The following MGAT4C variants were observed in gnomAD, a reference collection of about 807,000 sequenced individuals.
MGAT4C encodes MGAT4 family member C.
Under a neutral mutation model 40.1 loss-of-function variants are expected in MGAT4C, and 19 were observed. The observed-to-expected ratio is 0.47, with a 90% CI of 0.33 to 0.70. MGAT4C has a LOEUF of 0.70. MGAT4C is among the 30% of genes least tolerant of loss of function. MGAT4C has a pLI of 0.02. For synonymous variants in MGAT4C, 181 were observed against 187.1 expected (o/e 0.97, Z 0.27); for missense variants, 491 against 563.2 (o/e 0.87, Z 1.30).
chr12:86,698,431 C>T (rs553398310), intron 2 of MGAT4C, among the ~76,000 whole-genome samples: 1 of 152,028 alleles, frequency 6.6e-6, no homozygotes, highest in African/African-American at 2.4e-5. Flanking sequence ...AATACAAAAA[C>T]ATTTGTTACC....
At chr12:86,751,118 T>C (rs1951225861) in intron 1 of MGAT4C, among the ~76,000 whole-genome samples, 1 of 151,972 alleles carries the variant, frequency 6.6e-6, no homozygotes. Flanking sequence ...ATGGAGGGAA[T>C]GGGTTCATCA....
chr12:86,836,411 T>C (rs961976538), intron 1 of MGAT4C, among the ~76,000 whole-genome samples: 27 of 152,048 alleles, frequency 1.8e-4, no homozygotes, highest in African/African-American at 5.1e-4. Flanking sequence ...ATTACATTTT[T>C]TTTTGTCCTA....
At chr12:86,050,748 T>C (rs1270733375) in intron 1 of MGAT4C, among the ~76,000 whole-genome samples, 1 of 152,062 alleles carries the variant, frequency 6.6e-6, no homozygotes, top group Non-Finnish European at 1.5e-5. Flanking sequence ...TTCCTCTTTG[T>C]CTTCTTCCGT....
intron 1 of MGAT4C, among the ~76,000 whole-genome samples, chr12:86,198,719 ATG>A (rs1458293735): frequency 1.3e-5 from 2 of 152,194 alleles, no homozygotes; most frequent in East Asian, 3.9e-4. Context: ...ATTTGAGAGC[ATG>A]TCTCTGTTAA....
intron 2 of MGAT4C, among the ~76,000 whole-genome samples, chr12:86,606,583 T>C (rs1962054197): frequency 1.3e-5 from 2 of 152,154 alleles, no homozygotes; most frequent in Admixed American, 6.6e-5. Flanking sequence ...GCTCTCCTGA[T>C]TGGGAATTTC....
chr12:86,528,414 C>T, intron 2 of MGAT4C, among the ~76,000 whole-genome samples: 1 of 151,912 alleles, frequency 6.6e-6, no homozygotes, highest in East Asian at 1.9e-4. Context: ...ATTTGCTTTT[C>T]TAGAAAACAA....
chr12:86,765,033 T>C (rs928520790), intron 1 of MGAT4C, among the ~76,000 whole-genome samples: 4 of 152,164 alleles, frequency 2.6e-5, no homozygotes, highest in African/African-American at 9.7e-5. Flanking sequence ...TTTGACAAGT[T>C]GAGAGAAGAA....
At position 85,959,641 on chromosome 12, in the gene MGAT4C, G is replaced by T. The variant is rs989318330; in HGVS notation, c.*19648C>A. 2.0e-5 allele frequency: 3 copies of T among 150,532 alleles called. No individual in the cohort carries two copies. Among genetic ancestry groups the T allele is most frequent in the African/African-American group, 7.3e-5 (3 of 41,010 alleles). 9.3% of individuals were successfully genotyped at this position (150,532 alleles called of 1,614,324 possible). On this transcript the variant is annotated 3_prime_UTR_variant, in exon 5 of 5. Coordinates refer to ENST00000611864, the MANE Select transcript of MGAT4C (RefSeq NM_001351288.2). The stretch of plus-strand genomic sequence containing the variant: ...GCCACTTGAATAAATAAGTTGTGTT[G>T]TAGTTTCTCAGAGCAACCGCCGCTC...
At chr12:86,737,910 C>T (rs903201479) in intron 1 of MGAT4C, among the ~76,000 whole-genome samples, 2 of 151,514 alleles carry the variant, frequency 1.3e-5, no homozygotes, top group Admixed American at 1.3e-4. Context: ...TAAACTTCTA[C>T]CTATTTCTCT....
intron 1 of MGAT4C, among the ~76,000 whole-genome samples, chr12:86,779,570 A>C: frequency 6.6e-6 from 1 of 151,780 alleles, no homozygotes; most frequent in African/African-American, 2.4e-5. Context: ...ACACTGCACT[A>C]CAGCCTGGGC....
At chr12:86,030,979 G>T (rs1890708433) in intron 2 of MGAT4C, among the ~76,000 whole-genome samples, 1 of 151,708 alleles carries the variant, frequency 6.6e-6, no homozygotes. Flanking sequence ...ATTACATTTA[G>T]TCACCAACAA....
intron 2 of MGAT4C, among the ~76,000 whole-genome samples, chr12:86,438,518 C>G (rs1354872627): frequency 2.0e-5 from 3 of 151,880 alleles, no homozygotes; most frequent in African/African-American, 4.8e-5. Context: ...GATAATGAAA[C>G]AGCCTTCTAA....
At chr12:86,590,703 A>T (rs1482549557) in intron 2 of MGAT4C, among the ~76,000 whole-genome samples, 1 of 152,036 alleles carries the variant, frequency 6.6e-6, no homozygotes, top group Non-Finnish European at 1.5e-5. Context: ...ACAAAAAAAA[A>T]TTGAGAGATC....
At chr12:85,985,976 C>A (rs964201891) in intron 3 of MGAT4C, among the ~76,000 whole-genome samples, 1 of 152,100 alleles carries the variant, frequency 6.6e-6, no homozygotes, top group Non-Finnish European at 1.5e-5. Context: ...ATATTGAATA[C>A]CTCTTTAAAA....
At chr12:86,295,738 C>A (rs1303630588) in intron 4 of MGAT4C, among the ~76,000 whole-genome samples, 1 of 151,978 alleles carries the variant, frequency 6.6e-6, no homozygotes, top group Non-Finnish European at 1.5e-5. Flanking sequence ...AGGTTCTCCA[C>A]CTCCCCATCA....
intron 1 of MGAT4C, among the ~76,000 whole-genome samples, chr12:86,807,646 T>C (rs1952384421): frequency 7.9e-5 from 12 of 152,142 alleles, no homozygotes; most frequent in Admixed American, 7.2e-4. Flanking sequence ...TAACCACTAA[T>C]GGGATTGCTG....
intron 4 of MGAT4C, among the ~76,000 whole-genome samples, chr12:85,982,582 T>C (rs1453473294): frequency 1.3e-5 from 2 of 152,262 alleles, no homozygotes; most frequent in Non-Finnish European, 2.9e-5. Context: ...GCTTATACTT[T>C]CTTAGTGGTA....
chr12:86,139,226 T>C (rs1882482419), intron 1 of MGAT4C, among the ~76,000 whole-genome samples: 1 of 152,184 alleles, frequency 6.6e-6, no homozygotes, highest in African/African-American at 2.4e-5. Flanking sequence ...AAGACTAACA[T>C]GCCAAATGAC....
chr12:85,980,203 G>C lies in MGAT4C; in HGVS notation c.523C>G (p.Pro175Ala). The C allele has an allele frequency of 6.2e-7, 1 of 1,613,752 alleles. No individual in the cohort carries two copies. The highest frequency in any genetic ancestry group is 8.5e-7 in the Non-Finnish European group (1 of 1,179,836). ...TCTAGGATTGGGTAATACTCCTCTG[G>C]AGCATGTATAACCATTAATCTTCCT... ...IAGRLMVIHAPEEYYPILDGL... is the reference protein window; with the variant it reads ...IAGRLMVIHAAEEYYPILDGL... The change falls in exon 5 of 5, where the codon CCA (proline) becomes GCA (alanine). Residue 175 changes from proline (P) to alanine (A), a missense_variant. By Grantham distance (27) the Pro-to-Ala change is conservative. Coordinates refer to ENST00000611864, the MANE Select transcript of MGAT4C (RefSeq NM_001351288.2).
Sources: gnomAD v4.1 joint callset for allele counts (sites outside exome capture counted in the v4.1 genomes callset) on GRCh38, gnomAD v4.1.1 for gene constraint, MANE v1.5 for transcripts, NCBI Gene and HGNC (gene_info 2026-07-23, HGNC 2026-07-21) for gene names.